Variants in CLTCL1 observed in about 807,000 individuals in gnomAD.
CLTCL1 encodes the protein clathrin heavy chain 2.
A neutral mutation model predicts 190.0 loss-of-function variants in CLTCL1; 159 were observed. That is an observed-to-expected ratio of 0.84 (90% CI 0.74 to 0.95). The LOEUF (loss-of-function observed/expected upper bound fraction) is 0.95. CLTCL1 is among the 40% of genes least tolerant of loss of function. The pLI is 0.00. For synonymous variants in CLTCL1, 752 were observed against 769.6 expected (o/e 0.98, Z 0.38); for missense variants, 1,878 against 2,033.4 (o/e 0.92, Z 1.47).
chr22:19,193,208 C>T (rs1440160084), intron 26 of CLTCL1, among the ~76,000 whole-genome samples: 2 of 152,200 alleles, frequency 1.3e-5, no homozygotes, highest in African/African-American at 4.8e-5. Flanking sequence ...CCTAGCTTCC[C>T]TTGTGGGACA....
intron 30 of CLTCL1, chr22:19,182,573 G>A (rs5993557): frequency 1.3e-5 from 2 of 152,180 alleles, no homozygotes; most frequent in African/African-American, 4.8e-5. Context: ...CAGCCCTCCA[G>A]GCTAAAGCTG....
At chr22:19,264,589 G>A (rs1430589322) in intron 2 of CLTCL1, among the ~76,000 whole-genome samples, 4 of 152,256 alleles carry the variant, frequency 2.6e-5, no homozygotes, top group African/African-American at 9.6e-5. Context: ...TGACTATCCA[G>A]TTAGTTAGCC....
chr22:19,225,396 AC>A, intron 13 of CLTCL1, 56 bp downstream of exon 13: 1 of 1,482,736 alleles, frequency 6.7e-7, no homozygotes, highest in Non-Finnish European at 9.0e-7. Context: ...AGGCAGCAAC[AC>A]CTGAGAAAGG....
In CLTCL1 at chr22:19,221,980, C is replaced by G; in HGVS notation, c.2532G>C (p.Glu844Asp). 6.2e-7 allele frequency: 1 copy of G among 1,613,982 alleles called. No homozygotes were observed. The highest frequency in any genetic ancestry group is 8.5e-7 in the Non-Finnish European group (1 of 1,179,886). ...MAVRGQFSTD[E>D]LVAEVEKRNR... Reference sequence around the variant, plus strand: ...TTCTTTTTTCTACTTCAGCCACCAACTCATCAGTAGAGAACTGTCCTCTCA... The same window carrying G: ...TTCTTTTTTCTACTTCAGCCACCAAGTCATCAGTAGAGAACTGTCCTCTCA... Residue 844 changes from glutamate (E) to aspartate (D), a missense_variant, in exon 16 of 33, where the codon GAG (glutamate) becomes GAC (aspartate). By Grantham distance (45) the Glu-to-Asp change is conservative. Coordinates refer to ENST00000427926, the MANE Select transcript of CLTCL1 (RefSeq NM_007098.4).
At chr22:19,183,919 A>G in intron 29 of CLTCL1, 1 of 427,042 alleles carries the variant, frequency 2.3e-6, no homozygotes, top group Non-Finnish European at 4.4e-6. Flanking sequence ...CACTGATGGG[A>G]GTTTGGGGGT....
intron 26 of CLTCL1, 142 bp downstream of exon 26, chr22:19,196,124 G>A (rs1348035994): frequency 1.3e-6 from 1 of 783,538 alleles, no homozygotes. Context: ...CTGCCCAGAG[G>A]GTGGTGGACT....
rs5748090 is a variant in CLTCL1 at position 19,274,237 on chromosome 22, G to A, written c.250+1386C>T. Among the ~76,000 whole-genome samples, 1,422 of 152,278 alleles carry A rather than the reference G, an allele frequency of 9.3e-3. 32 individuals are homozygous for A. Among genetic ancestry groups the A allele is most frequent in the East Asian group, 0.066 (341 of 5,170 alleles). On this transcript the variant is annotated intron_variant, in intron 2 of 32. Coordinates refer to ENST00000427926, the MANE Select transcript of CLTCL1 (RefSeq NM_007098.4). ...AGCACTTTGAGAGGCCAAGGCAGGA[G>A]GATCACTTGAGGCCAGGAGCTCAAG...
chr22:19,206,740 TTTG>T (rs1418507533), intron 22 of CLTCL1, among the ~76,000 whole-genome samples: 1 of 152,086 alleles, frequency 6.6e-6, no homozygotes, highest in Admixed American at 6.5e-5. Context: ...CCCGGCCCAC[TTTG>T]TTGTTATTCA....
intron 19 of CLTCL1, among the ~76,000 whole-genome samples, chr22:19,210,766 G>C (rs2085194543): frequency 1.3e-5 from 2 of 152,156 alleles, no homozygotes; most frequent in Non-Finnish European, 2.9e-5. Context: ...GGCTGCTGTG[G>C]CTTTTTAGAG....
chr22:19,188,345 C>T (rs2084381913), intron 27 of CLTCL1, among the ~76,000 whole-genome samples: 2 of 152,342 alleles, frequency 1.3e-5, no homozygotes, highest in South Asian at 4.1e-4. Context: ...CAGACCACCA[C>T]AATAAAGTGA....
chr22:19,285,039 G>A (rs1050211936), intron 1 of CLTCL1, among the ~76,000 whole-genome samples: 3 of 152,156 alleles, frequency 2.0e-5, no homozygotes, highest in African/African-American at 7.2e-5. Flanking sequence ...ACTTTGGGAG[G>A]CCGAGGCAGG....
At chr22:19,214,750 G>A (rs1359035945) in intron 19 of CLTCL1, among the ~76,000 whole-genome samples, 3 of 148,874 alleles carry the variant, frequency 2.0e-5, no homozygotes. Context: ...GTGCCATCTC[G>A]GCTCACTGCA....
chr22:19,191,304 C>G lies in CLTCL1; in HGVS notation c.4323G>C (p.Lys1441Asn), dbSNP rs2084495372. The G allele has an allele frequency of 1.9e-6, 3 of 1,613,920 alleles. No individual in the cohort carries two copies. The highest frequency in any genetic ancestry group is 2.5e-6 in the Non-Finnish European group (3 of 1,179,864). ...CTACCTGGGGTTTTGGTTGACTCAC[C>G]TTTGAAAAGAAACTGACTGTCCAGG... is the stretch of plus-strand genomic sequence containing the variant. ...DHTWTVSFFSKAGQLPLVKPY... is the reference protein window; with the variant it reads ...DHTWTVSFFSNAGQLPLVKPY... Residue 1441 changes from lysine to asparagine, a missense_variant and splice_region_variant, in exon 27 of 33, where the codon AAG becomes AAC. Physicochemically the swap from Lys to Asn is moderately conservative, Grantham distance 94. Transcript: ENST00000427926.
intron 15 of CLTCL1, among the ~76,000 whole-genome samples, 180 bp downstream of exon 15, chr22:19,222,504 G>T (rs1363017767): frequency 6.6e-6 from 1 of 152,190 alleles, no homozygotes; most frequent in Non-Finnish European, 1.5e-5. Flanking sequence ...AAATAAATGT[G>T]TGTTGTTTCA....
chr22:19,257,499 T>G (rs575784152), intron 2 of CLTCL1: 33 of 271,654 alleles, frequency 1.2e-4, no homozygotes, highest in African/African-American at 7.4e-4. Context: ...TCCTGTTCTC[T>G]CACTTTCCTC....
At position 19,239,374 on chromosome 22, in the gene CLTCL1, T is replaced by G; in HGVS notation, c.696A>C (p.Glu232Asp). 1 of 1,613,766 alleles carries G rather than the reference T, an allele frequency of 6.2e-7. No homozygotes were observed. The highest frequency in any genetic ancestry group is 1.3e-5 in the African/African-American group (1 of 75,054). ...NPTGGKLHII[E>D]VGQPAAGNQP... ...GGTTTCCCGCTGCAGGCTGTCCAAC[T>G]TCAATGATGTGCAACTAGAAGAGAG... Residue 232 changes from glutamate to aspartate, a missense_variant, in exon 5 of 33, where the codon GAA becomes GAC. By Grantham distance (45) the Glu-to-Asp change is conservative. Coordinates refer to ENST00000427926, the MANE Select transcript of CLTCL1 (RefSeq NM_007098.4).
intron 22 of CLTCL1, chr22:19,207,553 G>T: frequency 2.5e-6 from 1 of 403,430 alleles, no homozygotes; most frequent in Non-Finnish European, 4.4e-6. Context: ...ATCTTTATCT[G>T]CATCACACTA....
At chr22:19,206,681 C>T (rs2085059708) in intron 22 of CLTCL1, among the ~76,000 whole-genome samples, 1 of 152,292 alleles carries the variant, frequency 6.6e-6, no homozygotes, top group East Asian at 1.9e-4. Flanking sequence ...AAACGATTCT[C>T]GCACTTCGGC....
In CLTCL1 at chr22:19,254,181, C is replaced by T. The variant is rs898240238; in HGVS notation, c.297G>A (p.Met99Ile). 4.3e-6 allele frequency: 7 copies of T among 1,613,670 alleles called. No individual in the cohort carries two copies. Among genetic ancestry groups the T allele is most frequent in the African/African-American group, 1.3e-5 (1 of 74,912 alleles). ...QIFNIEMKSK[M>I]KAHTMAEEVI... Reference sequence around the variant, plus strand: ...CTTCTTCTGCCATAGTATGAGCCTTCATTTTACTCTTCATCTCAATATTAA... The same window carrying T: ...CTTCTTCTGCCATAGTATGAGCCTTTATTTTACTCTTCATCTCAATATTAA... The change falls in exon 3 of 33, where the codon ATG (methionine) becomes ATA (isoleucine). Residue 99 changes from methionine to isoleucine, a missense_variant. Physicochemically the swap from Met to Ile is conservative, Grantham distance 10 (BLOSUM62 1). Coordinates refer to ENST00000427926, the MANE Select transcript of CLTCL1 (RefSeq NM_007098.4).
Sources: gnomAD v4.1 joint callset for allele counts (sites outside exome capture counted in the v4.1 genomes callset) on GRCh38, gnomAD v4.1.1 for gene constraint, MANE v1.5 for transcripts, NCBI Gene and HGNC (gene_info 2026-07-23, HGNC 2026-07-21) for gene names.